RANBP2: variants seen among roughly 807,000 people sequenced by gnomAD.
RANBP2 encodes the protein E3 SUMO-protein ligase RanBP2.
A neutral mutation model predicts 303.6 loss-of-function variants in RANBP2; 57 were observed. The observed-to-expected ratio is 0.19, with a 90% CI of 0.15 to 0.23. The LOEUF (loss-of-function observed/expected upper bound fraction) is 0.23, where lower values mean the gene tolerates loss of function less well. RANBP2 is among the 10% of genes least tolerant of loss of function. The pLI is 1.00. For synonymous variants in RANBP2, 1,167 were observed against 1,301.5 expected, an observed-to-expected ratio of 0.90 and a Z score of 2.23; for missense variants, 3,138 against 3,780.8, an observed-to-expected ratio of 0.83 and a Z score of 4.46.
chr2:108,982,939 C>T, the RANBP2 span, among the ~76,000 whole-genome samples: 1 of 152,212 alleles, frequency 6.6e-6, no homozygotes, highest in Non-Finnish European at 1.5e-5. Flanking sequence ...GTCTCTCTCT[C>T]TCCAAATCTC....
the RANBP2 span, among the ~76,000 whole-genome samples, chr2:109,290,036 A>G: frequency 6.6e-6 from 1 of 152,214 alleles, no homozygotes; most frequent in Non-Finnish European, 1.5e-5. Context: ...TTCTATAGGT[A>G]CAGGGGGATG....
At chr2:109,545,767 C>T in the RANBP2 span, 2 of 1,426,600 alleles carry the variant, frequency 1.4e-6, no homozygotes, top group Non-Finnish European at 9.1e-7. Context: ...AGCCATTTTC[C>T]CCCAGCTAAC....
At chr2:109,636,775 CA>C in the RANBP2 span, among the ~76,000 whole-genome samples, 7 of 151,966 alleles carry the variant, frequency 4.6e-5, no homozygotes, top group Non-Finnish European at 1.0e-4. Context: ...CCGTCACTAC[CA>C]AAAATATAAA....
the RANBP2 span, chr2:108,910,631 G>A: frequency 0.79 from 1,086,517 of 1,375,646 alleles, 437,462 homozygotes; most frequent in Admixed American, 0.85. Flanking sequence ...AGAGCTGCCC[G>A]GTGTCTGTGT....
the RANBP2 span, among the ~76,000 whole-genome samples, chr2:109,086,176 A>G: frequency 2.6e-5 from 4 of 152,100 alleles, no homozygotes; most frequent in East Asian, 7.7e-4. Flanking sequence ...CCAGTCATCC[A>G]TCAATGGACA....
At chr2:109,062,513 A>C in the RANBP2 span, among the ~76,000 whole-genome samples, 1 of 151,996 alleles carries the variant, frequency 6.6e-6, no homozygotes, top group Non-Finnish European at 1.5e-5. Flanking sequence ...ATGTGCATGC[A>C]CCTGAGTCAT....
At chr2:109,526,089 A>T in the RANBP2 span, among the ~76,000 whole-genome samples, 3 of 152,160 alleles carry the variant, frequency 2.0e-5, no homozygotes, top group Non-Finnish European at 2.9e-5. Flanking sequence ...CCCACAGGTG[A>T]CCAGGAATCA....
chr2:109,614,224 G>A, the RANBP2 span: 7 of 903,196 alleles, frequency 7.8e-6, no homozygotes, highest in Non-Finnish European at 7.1e-6. Flanking sequence ...CTTGAGGCGA[G>A]GCCGCCCTAG....
At chr2:108,792,209 G>T in the RANBP2 span, among the ~76,000 whole-genome samples, 1 of 152,174 alleles carries the variant, frequency 6.6e-6, no homozygotes, top group African/African-American at 2.4e-5. Context: ...ACCAGAAATG[G>T]CACCCTTCAC....
chr2:108,786,394 A>C (rs1228753132), downstream of RANBP2, among the ~76,000 whole-genome samples: 2 of 151,892 alleles, frequency 1.3e-5, no homozygotes, highest in African/African-American at 2.4e-5. Flanking sequence ...CTCCCGGCTC[A>C]GATATACTCT....
the RANBP2 span, among the ~76,000 whole-genome samples, chr2:109,737,840 A>AT: frequency 6.6e-6 from 1 of 152,086 alleles, no homozygotes; most frequent in Non-Finnish European, 1.5e-5. Context: ...GATATTAAGC[A>AT]TTTTTTCTTA....
At chr2:108,831,507 A>G in the RANBP2 span, among the ~76,000 whole-genome samples, 1 of 152,034 alleles carries the variant, frequency 6.6e-6, no homozygotes, top group Non-Finnish European at 1.5e-5. Context: ...ATGAAGTGAA[A>G]TTTTTTCATG....
chr2:109,090,700 A>G, the RANBP2 span, among the ~76,000 whole-genome samples: 1 of 152,014 alleles, frequency 6.6e-6, no homozygotes, highest in East Asian at 1.9e-4. Flanking sequence ...TATTTATTAG[A>G]CTTGTTAAAA....
chr2:109,430,461 C>T, the RANBP2 span, among the ~76,000 whole-genome samples: 83 of 152,160 alleles, frequency 5.5e-4, no homozygotes, highest in African/African-American at 1.8e-3. Flanking sequence ...TCTCCTCTCC[C>T]CTTCTCTTTC....
chr2:109,269,368 T>C, the RANBP2 span, among the ~76,000 whole-genome samples: 1 of 152,170 alleles, frequency 6.6e-6, no homozygotes, highest in Non-Finnish European at 1.5e-5. Context: ...CCACACACCG[T>C]GTAATTTCCA....
chr2:109,427,359 T>C, the RANBP2 span, among the ~76,000 whole-genome samples: 1 of 152,234 alleles, frequency 6.6e-6, no homozygotes, highest in South Asian at 2.1e-4. Context: ...ATAAATATAA[T>C]TTTTACATAT....
chr2:108,739,883 A>C (rs185994330), intron 6 of RANBP2, among the ~76,000 whole-genome samples: 1 of 151,962 alleles, frequency 6.6e-6, no homozygotes, highest in Non-Finnish European at 1.5e-5. Context: ...AGCTACTCAG[A>C]AGGCTGAGTC....
At chr2:108,834,628 C>A in the RANBP2 span, among the ~76,000 whole-genome samples, 1 of 152,118 alleles carries the variant, frequency 6.6e-6, no homozygotes, top group African/African-American at 2.4e-5. Context: ...ATCATTTTAG[C>A]CATTTATAAA....
At chr2:108,726,502 C>T (rs1427740615) in intron 1 of RANBP2, among the ~76,000 whole-genome samples, 3 of 150,004 alleles carry the variant, frequency 2.0e-5, no homozygotes, top group Non-Finnish European at 4.4e-5. Context: ...AGGCTAGAAG[C>T]GGCAGATCAG....
Sources: gnomAD v4.1 joint callset for allele counts (sites outside exome capture counted in the v4.1 genomes callset) on GRCh38, gnomAD v4.1.1 for gene constraint, MANE v1.5 for transcripts, NCBI Gene and HGNC (gene_info 2026-07-23, HGNC 2026-07-21) for gene names.